Variants in THSD7A observed in about 807,000 individuals in gnomAD.
THSD7A encodes thrombospondin type-1 domain-containing protein 7A.
THSD7A carries 96 observed loss-of-function variants against 231.3 expected under a neutral mutation model. The observed-to-expected ratio is 0.41, with a 90% CI of 0.35 to 0.49. The LOEUF is 0.49. Among genes scored for constraint, THSD7A ranks in the 20% least tolerant of loss-of-function variants. The pLI is 0.05. For synonymous variants in THSD7A, 940 were observed against 743.3 expected, an observed-to-expected ratio of 1.26 and a Z score of -4.30; for missense variants, 2,290 against 2,070.2, an observed-to-expected ratio of 1.11 and a Z score of -2.06.
intron 16 of THSD7A, among the ~76,000 whole-genome samples, chr7:11,422,807 C>T (rs1313712196): frequency 1.3e-5 from 2 of 152,024 alleles, no homozygotes; most frequent in African/African-American, 2.4e-5. Flanking sequence ...TGCATGCCAC[C>T]ATGTGCAGCT....
At chr7:11,385,464 G>C (rs1204402480) in intron 23 of THSD7A, 5 of 151,938 alleles carry the variant, frequency 3.3e-5, no homozygotes, top group African/African-American at 1.2e-4. Flanking sequence ...TCTAGTTCAA[G>C]TTTGGTCTAC....
At chr7:11,608,430 C>T (rs1584073781) in intron 2 of THSD7A, among the ~76,000 whole-genome samples, 1 of 152,088 alleles carries the variant, frequency 6.6e-6, no homozygotes, top group East Asian at 1.9e-4. Context: ...GAAACTAACA[C>T]TAACATATCT....
At chr7:11,464,176 G>A (rs909306166) in intron 9 of THSD7A, among the ~76,000 whole-genome samples, 14 of 150,760 alleles carry the variant, frequency 9.3e-5, no homozygotes, top group African/African-American at 2.7e-4. Flanking sequence ...TTTTTTTAAA[G>A]TATACAAACT....
At chr7:11,816,493 A>C (rs1784708939) in intron 1 of THSD7A, among the ~76,000 whole-genome samples, 1 of 152,212 alleles carries the variant, frequency 6.6e-6, no homozygotes, top group Non-Finnish European at 1.5e-5. Context: ...GCTACTAGAA[A>C]AGTACTTCTT....
chr7:11,413,223 G>A (rs1583694017), intron 17 of THSD7A, among the ~76,000 whole-genome samples: 2 of 151,856 alleles, frequency 1.3e-5, no homozygotes, highest in Non-Finnish European at 2.9e-5. Context: ...TCCTTTTCCT[G>A]ATGCACACAT....
In THSD7A at chr7:11,636,265, G is replaced by A. The variant is rs1376702844; in HGVS notation, c.887C>T (p.Ala296Val). ...DRSKGVKDPEARELIKKKRNR... is the reference protein window; with the variant it reads ...DRSKGVKDPEVRELIKKKRNR... The stretch of plus-strand genomic sequence containing the variant: ...TCTCTTTTTCTTAATAAGCTCGCGG[G>A]CTTCTGGATCCTTTACTCCTTTGCT... Residue 296 changes from alanine (A) to valine (V), a missense_variant, in exon 2 of 28, where the codon GCC (alanine) becomes GTC (valine). Coordinates refer to ENST00000423059, the MANE Select transcript of THSD7A (RefSeq NM_015204.3). This position sits in a 1 kb window ranked among gnomAD's most constrained non-coding sequence, Gnocchi z 10.0. 2 of 1,613,830 alleles carry A rather than the reference G, an allele frequency of 1.2e-6. No individual in the cohort carries two copies. The highest frequency in any genetic ancestry group is 1.7e-5 in the Admixed American group (1 of 60,006).
At chr7:11,574,056 G>C (rs1328679637) in intron 4 of THSD7A, among the ~76,000 whole-genome samples, 2 of 152,162 alleles carry the variant, frequency 1.3e-5, no homozygotes, top group Non-Finnish European at 2.9e-5. Flanking sequence ...GTTATGATTA[G>C]AGACGTCACG....
intron 19 of THSD7A, among the ~76,000 whole-genome samples, chr7:11,409,823 T>A (rs7804531): frequency 2.0e-5 from 3 of 151,696 alleles, no homozygotes; most frequent in African/African-American, 7.3e-5. Context: ...ACTCATGGCA[T>A]CCTCTGCCTC....
At chr7:11,592,859 C>G (rs909519888) in intron 3 of THSD7A, among the ~76,000 whole-genome samples, 1 of 150,882 alleles carries the variant, frequency 6.6e-6, no homozygotes, top group African/African-American at 2.4e-5. Flanking sequence ...AACCTGCCAC[C>G]TTTTTTTTTA....
At chr7:11,704,757 T>C (rs1780711568) in intron 1 of THSD7A, among the ~76,000 whole-genome samples, 1 of 151,092 alleles carries the variant, frequency 6.6e-6, no homozygotes. Flanking sequence ...TTACAGTCTA[T>C]TTATGGATTG....
intron 1 of THSD7A, among the ~76,000 whole-genome samples, chr7:11,812,125 G>A (rs1440671454): frequency 6.9e-6 from 1 of 144,780 alleles, no homozygotes; most frequent in African/African-American, 2.7e-5. Flanking sequence ...GTGTGTGTGT[G>A]TGTGTGTGTG....
At chr7:11,598,427 C>T (rs1274600787) in intron 2 of THSD7A, among the ~76,000 whole-genome samples, 1 of 152,166 alleles carries the variant, frequency 6.6e-6, no homozygotes, top group African/African-American at 2.4e-5. Flanking sequence ...CCCCAGCCAC[C>T]CCTGTCATCG....
At chr7:11,786,612 C>G (rs2128176430) in intron 1 of THSD7A, among the ~76,000 whole-genome samples, 1 of 152,030 alleles carries the variant, frequency 6.6e-6, no homozygotes, top group Admixed American at 6.6e-5. Context: ...TTCCTAGATG[C>G]CTCGCTCTAA....
At chr7:11,538,616 C>T (rs1264316261) in intron 6 of THSD7A, among the ~76,000 whole-genome samples, 2 of 152,128 alleles carry the variant, frequency 1.3e-5, no homozygotes, top group East Asian at 1.9e-4. Flanking sequence ...CGTTTGTGTT[C>T]AGAGACCTGG....
At chr7:11,790,570 G>T (rs143803358) in intron 1 of THSD7A, among the ~76,000 whole-genome samples, 106 of 152,042 alleles carry the variant, frequency 7.0e-4, no homozygotes, top group African/African-American at 2.5e-3. Flanking sequence ...ACGTTAAAAA[G>T]ATGAGATGTT....
intron 4 of THSD7A, among the ~76,000 whole-genome samples, chr7:11,560,552 G>C (rs1790034049): frequency 1.3e-5 from 2 of 152,122 alleles, no homozygotes; most frequent in Admixed American, 1.3e-4. Flanking sequence ...TATAGCTTTA[G>C]TCTCCTTCCA....
intron 2 of THSD7A, 130 bp from the exon 3 acceptor site, chr7:11,593,632 A>T: frequency 9.1e-7 from 1 of 1,093,584 alleles, no homozygotes; most frequent in Non-Finnish European, 1.3e-6. Context: ...TTTCATCGAA[A>T]ATACATCAAC....
In THSD7A at chr7:11,762,791, GA is replaced by G. The variant is rs201972037; in HGVS notation, c.190+68965del. Reference sequence around the variant, plus strand: ...TCTCTACAAACTACAAAATATTCATGAAAAAAATTATAGATGACACAAACAA... The same window carrying G: ...TCTCTACAAACTACAAAATATTCATGAAAAAATTATAGATGACACAAACAA... On this transcript the variant is annotated intron_variant, in intron 1 of 27. Coordinates refer to ENST00000423059, the MANE Select transcript of THSD7A (RefSeq NM_015204.3). Among the ~76,000 whole-genome samples, 1,190 of 151,730 alleles carry G rather than the reference GA, an allele frequency of 7.8e-3. 10 individuals are homozygous for G. The highest frequency in any genetic ancestry group is 0.027 in the African/African-American group (1,103 of 41,228).
intron 1 of THSD7A, among the ~76,000 whole-genome samples, chr7:11,745,637 G>T (rs886774391): frequency 6.6e-6 from 1 of 152,028 alleles, no homozygotes; most frequent in Admixed American, 6.6e-5. Flanking sequence ...TGTAAGGAAG[G>T]GATCCAGTTT....
Sources: allele counts gnomAD v4.1 joint callset (sites outside exome capture counted in the v4.1 genomes callset), GRCh38; gene constraint gnomAD v4.1.1; non-coding constraint Gnocchi (gnomAD v3.1); transcripts MANE v1.5; gene names NCBI Gene and HGNC (gene_info 2026-07-23, HGNC 2026-07-21).